TMEM132D: variants seen among roughly 807,000 people sequenced by gnomAD.
The protein encoded by TMEM132D is transmembrane protein 132D.
TMEM132D carries 21 observed loss-of-function variants against 62.3 expected under a neutral mutation model. The observed-to-expected ratio is 0.34, with a 90% CI of 0.24 to 0.49. The LOEUF (loss-of-function observed/expected upper bound fraction) is 0.49. Among genes scored for constraint, TMEM132D ranks in the 20% least tolerant of loss-of-function variants. The pLI is 0.99. For missense variants in TMEM132D, 1,346 were observed against 1,402.8 expected (o/e 0.96, Z 0.65); for synonymous variants, 621 against 575.6 (o/e 1.08, Z -1.13).
intron 5 of TMEM132D, among the ~76,000 whole-genome samples, chr12:129,192,637 C>T (rs1206547594): frequency 6.6e-6 from 1 of 152,122 alleles, no homozygotes; most frequent in Non-Finnish European, 1.5e-5. Context: ...TCTTATTAAT[C>T]TTTATTCTCT....
chr12:129,751,667 ACT>A (rs1274876977), intron 1 of TMEM132D, among the ~76,000 whole-genome samples: 1 of 152,068 alleles, frequency 6.6e-6, no homozygotes, highest in Non-Finnish European at 1.5e-5. Flanking sequence ...TTTCATTATC[ACT>A]CTGTGATAAA....
intron 4 of TMEM132D, among the ~76,000 whole-genome samples, chr12:129,310,266 C>G (rs1008115486): frequency 1.3e-5 from 2 of 152,188 alleles, no homozygotes; most frequent in African/African-American, 4.8e-5. Context: ...TGCCAGGGAA[C>G]CGGTCAGGGC....
chr12:129,125,358 A>T (rs900083848), intron 5 of TMEM132D, among the ~76,000 whole-genome samples: 3 of 152,184 alleles, frequency 2.0e-5, no homozygotes, highest in African/African-American at 7.2e-5. Context: ...AGCTATTTTG[A>T]TGTAAGACAC....
intron 3 of TMEM132D, among the ~76,000 whole-genome samples, chr12:129,393,317 C>G (rs1255953950): frequency 6.6e-6 from 1 of 152,204 alleles, no homozygotes; most frequent in Non-Finnish European, 1.5e-5. Context: ...ATGAATGAGC[C>G]AATGCTTGCC....
intron 5 of TMEM132D, among the ~76,000 whole-genome samples, chr12:129,140,880 G>A (rs940766334): frequency 5.9e-5 from 9 of 151,472 alleles, no homozygotes; most frequent in Non-Finnish European, 1.0e-4. Context: ...CCATATTGTT[G>A]AAGGTATCAA....
intron 7 of TMEM132D, among the ~76,000 whole-genome samples, chr12:129,079,815 C>T (rs757597926): frequency 7.2e-5 from 11 of 152,090 alleles, no homozygotes; most frequent in Non-Finnish European, 1.2e-4. Context: ...GAATTTATGA[C>T]TCAGGAGGAC....
rs11060150 is a variant in TMEM132D at position 129,124,946 on chromosome 12, C to T, written c.1444-40244G>A. Among the ~76,000 whole-genome samples, 35 of 152,262 alleles carry T rather than the reference C, an allele frequency of 2.3e-4. No homozygotes were observed. In the East Asian group the frequency reaches 5.4e-3, roughly 24 times the overall value. The stretch of plus-strand genomic sequence containing the variant: ...CTGGTGCAAGCTATTAATGTAATTA[C>T]ATTTCCCCACCTCATTACAATTAAG... On this transcript the variant is annotated intron_variant, in intron 5 of 8. Coordinates refer to ENST00000422113, the MANE Select transcript of TMEM132D (RefSeq NM_133448.3).
intron 3 of TMEM132D, among the ~76,000 whole-genome samples, chr12:129,380,677 G>C (rs920034865): frequency 2.6e-5 from 4 of 151,986 alleles, no homozygotes; most frequent in African/African-American, 9.7e-5. Flanking sequence ...TCCCCACAAG[G>C]CTCCTTCCTG....
At chr12:129,894,638 T>C (rs1875043713) in intron 1 of TMEM132D, among the ~76,000 whole-genome samples, 2 of 152,300 alleles carry the variant, frequency 1.3e-5, no homozygotes, top group South Asian at 4.1e-4. Context: ...GATAAAACTA[T>C]GATTATTCAT....
intron 4 of TMEM132D, among the ~76,000 whole-genome samples, chr12:129,254,758 C>A (rs1266775723): frequency 3.3e-5 from 5 of 152,280 alleles, no homozygotes; most frequent in Admixed American, 2.6e-4. Context: ...CATTTCCCCC[C>A]ATAGCCTCAT....
At chr12:129,605,257 G>A (rs1438409875) in intron 2 of TMEM132D, among the ~76,000 whole-genome samples, 2 of 152,096 alleles carry the variant, frequency 1.3e-5, no homozygotes, top group Non-Finnish European at 2.9e-5. Flanking sequence ...TCAAACTGAT[G>A]TGCACTTGTG....
At chr12:129,305,206 T>G (rs1385728616) in intron 4 of TMEM132D, among the ~76,000 whole-genome samples, 1 of 152,148 alleles carries the variant, frequency 6.6e-6, no homozygotes, top group African/African-American at 2.4e-5. Flanking sequence ...ATTGGTTGAA[T>G]TGAAAAATAA....
intron 5 of TMEM132D, among the ~76,000 whole-genome samples, chr12:129,087,901 CCTG>C: frequency 9.2e-6 from 1 of 108,204 alleles, no homozygotes; most frequent in South Asian, 3.1e-4. Context: ...GGGTGTCCTC[CCTG>C]ACCGGGGTGT....
intron 1 of TMEM132D, among the ~76,000 whole-genome samples, chr12:129,717,157 G>A (rs983044451): frequency 1.7e-4 from 26 of 152,134 alleles, no homozygotes; most frequent in African/African-American, 4.8e-4. Flanking sequence ...CTGAACAACC[G>A]TACACGACAG....
intron 1 of TMEM132D, among the ~76,000 whole-genome samples, chr12:129,732,903 A>C (rs1048543234): frequency 6.6e-6 from 1 of 152,124 alleles, no homozygotes; most frequent in Non-Finnish European, 1.5e-5. Flanking sequence ...AGGCCTCTGT[A>C]ATGAAACCTC....
intron 2 of TMEM132D, among the ~76,000 whole-genome samples, chr12:129,625,448 C>A (rs1489117108): frequency 6.6e-6 from 1 of 152,212 alleles, no homozygotes; most frequent in Non-Finnish European, 1.5e-5. Flanking sequence ...TCATCATTTC[C>A]ATACCCAGGG....
In TMEM132D at chr12:129,386,423, T is replaced by C. The variant is rs1871106481; in HGVS notation, c.1116-48606A>G. On this transcript the variant is annotated intron_variant, in intron 3 of 8. Coordinates refer to ENST00000422113, the MANE Select transcript of TMEM132D (RefSeq NM_133448.3). ...AATCATAATACAAACACAAATACTA[T>C]ATGCCAACACCAACACCAATACTAA... 2.6e-5 allele frequency among the ~76,000 whole-genome samples: 4 copies of C among 151,982 alleles called. No individual in the cohort carries two copies. The South Asian group carries it at 8.3e-4, about 32-fold the overall frequency.
intron 3 of TMEM132D, among the ~76,000 whole-genome samples, chr12:129,407,174 AT>A (rs1349281235): frequency 6.6e-6 from 1 of 152,252 alleles, no homozygotes; most frequent in Non-Finnish European, 1.5e-5. Context: ...CTTCAGCAAC[AT>A]TAGCTTATAA....
At chr12:129,385,470 AC>A (rs1181816359) in intron 3 of TMEM132D, among the ~76,000 whole-genome samples, 1 of 152,150 alleles carries the variant, frequency 6.6e-6, no homozygotes, top group Non-Finnish European at 1.5e-5. Flanking sequence ...AAAGACTTTT[AC>A]ATCTTGGTTA....
Sources: allele counts gnomAD v4.1 joint callset (sites outside exome capture counted in the v4.1 genomes callset), GRCh38; gene constraint gnomAD v4.1.1; transcripts MANE v1.5; gene names NCBI Gene and HGNC (gene_info 2026-07-23, HGNC 2026-07-21).